The following KCTD8 variants were observed in gnomAD, a reference collection of about 807,000 sequenced individuals.
KCTD8 encodes potassium channel tetramerization domain containing 8, also known as BTB/POZ domain-containing protein KCTD8.
KCTD8 carries 27 observed loss-of-function variants against 31.5 expected under a neutral mutation model. That is an observed-to-expected ratio of 0.86 (90% confidence interval 0.63 to 1.18). The LOEUF is 1.18. Ranked by LOEUF, KCTD8 falls within the 50% of genes most tolerant of loss-of-function variation. The probability of loss-of-function intolerance (pLI) is 0.00; values close to 1 mark genes in which losing one functional copy is unlikely to be tolerated. For missense variants in KCTD8, 658 were observed against 647.7 expected, an observed-to-expected ratio of 1.02 and a Z score of -0.17; for synonymous variants, 290 against 280.0, an observed-to-expected ratio of 1.04 and a Z score of -0.36.
chr4:44,201,712 G>C (rs879869075), intron 1 of KCTD8, among the ~76,000 whole-genome samples: 5 of 152,002 alleles, frequency 3.3e-5, no homozygotes, highest in Non-Finnish European at 7.4e-5. Flanking sequence ...AGATAACCTA[G>C]GAAATACCCT....
chr4:44,382,732 A>AG (rs1375242606), intron 1 of KCTD8, among the ~76,000 whole-genome samples: 1 of 149,056 alleles, frequency 6.7e-6, no homozygotes, highest in East Asian at 2.0e-4. Context: ...CTCCATTTCA[A>AG]AAAAAAAAAA....
At chr4:44,366,032 T>C (rs1046437488) in intron 1 of KCTD8, among the ~76,000 whole-genome samples, 1 of 152,214 alleles carries the variant, frequency 6.6e-6, no homozygotes, top group Non-Finnish European at 1.5e-5. Context: ...CAATATGACA[T>C]GATTTATATA....
At chr4:44,287,561 C>T (rs1321839942) in intron 1 of KCTD8, among the ~76,000 whole-genome samples, 1 of 152,130 alleles carries the variant, frequency 6.6e-6, no homozygotes, top group Non-Finnish European at 1.5e-5. Context: ...TTAAACCTAT[C>T]TAATAATTGA....
chr4:44,288,033 G>A (rs1306052445), intron 1 of KCTD8, among the ~76,000 whole-genome samples: 1 of 152,148 alleles, frequency 6.6e-6, no homozygotes, highest in East Asian at 1.9e-4. Flanking sequence ...CTTGCTAACA[G>A]TCCTTTAGTT....
intron 1 of KCTD8, chr4:44,293,466 A>G (rs1717336891): frequency 4.4e-6 from 2 of 455,592 alleles, no homozygotes; most frequent in Admixed American, 4.7e-5. Flanking sequence ...GCAAGCAATC[A>G]TAAATAGCCA....
chr4:44,218,296 G>A (rs771362769), intron 1 of KCTD8, among the ~76,000 whole-genome samples: 1 of 151,306 alleles, frequency 6.6e-6, no homozygotes, highest in Admixed American at 6.6e-5. Flanking sequence ...ACCACACCCG[G>A]CTAATTTTTG....
intron 1 of KCTD8, among the ~76,000 whole-genome samples, chr4:44,304,741 G>A (rs985401584): frequency 4.6e-5 from 7 of 152,100 alleles, no homozygotes; most frequent in African/African-American, 1.7e-4. Flanking sequence ...AACACTCTTT[G>A]TTTTTACAAA....
chr4:44,250,541 A>G (rs1406901900), intron 1 of KCTD8, among the ~76,000 whole-genome samples: 7 of 151,808 alleles, frequency 4.6e-5, no homozygotes, highest in African/African-American at 1.4e-4. Context: ...AGGTAGTCAG[A>G]GATAGAACCA....
At chr4:44,383,025 C>CA (rs55777307) in intron 1 of KCTD8, among the ~76,000 whole-genome samples, 124,176 of 151,076 alleles carry the variant, frequency 0.82, 51,214 homozygotes, top group South Asian at 0.87. Context: ...AACTAGCTGA[C>CA]AAAAAAAACA....
At chr4:44,398,258 A>C (rs1006537196) in intron 1 of KCTD8, among the ~76,000 whole-genome samples, 5 of 152,348 alleles carry the variant, frequency 3.3e-5, no homozygotes, top group Middle Eastern at 6.8e-3. Flanking sequence ...CAACTGCTGC[A>C]GTCCACTAAA....
chr4:44,300,248 T>A (rs1717569954), intron 1 of KCTD8, among the ~76,000 whole-genome samples: 1 of 152,188 alleles, frequency 6.6e-6, no homozygotes, highest in South Asian at 2.1e-4. Flanking sequence ...GCACAGCTTC[T>A]ATTTCAGTTC....
chr4:44,317,031 A>G (rs1476033950), intron 1 of KCTD8, among the ~76,000 whole-genome samples: 1 of 150,712 alleles, frequency 6.6e-6, no homozygotes, highest in Non-Finnish European at 1.5e-5. Flanking sequence ...ACAGGAAACC[A>G]GACTCCTAAA....
At chr4:44,336,149 C>CAAAAAAAAA (rs58161667) in intron 1 of KCTD8, among the ~76,000 whole-genome samples, 5 of 46,524 alleles carry the variant, frequency 1.1e-4, no homozygotes, top group African/African-American at 1.6e-4. Flanking sequence ...GACTCCGTCT[C>CAAAAAAAAA]AAAAAAAAAA....
At chr4:44,371,495 C>T (rs958157383) in intron 1 of KCTD8, among the ~76,000 whole-genome samples, 6 of 151,890 alleles carry the variant, frequency 4.0e-5, no homozygotes, top group South Asian at 2.1e-4. Context: ...AAGTGGTAGA[C>T]GGATGAATGG....
intron 1 of KCTD8, 75 bp downstream of exon 1, chr4:44,447,488 T>G: frequency 1.4e-6 from 2 of 1,443,546 alleles, no homozygotes; most frequent in Non-Finnish European, 1.8e-6. Flanking sequence ...CCGCGGGGCC[T>G]CCAGCGGGGC....
At chr4:44,398,635 G>A (rs1720569798) in intron 1 of KCTD8, among the ~76,000 whole-genome samples, 1 of 152,136 alleles carries the variant, frequency 6.6e-6, no homozygotes. Flanking sequence ...TAAAGATCCG[G>A]AACGAACTCT....
At chr4:44,181,711 G>T (rs1713413287) in intron 1 of KCTD8, among the ~76,000 whole-genome samples, 1 of 150,456 alleles carries the variant, frequency 6.6e-6, no homozygotes, top group African/African-American at 2.5e-5. Context: ...GCCGCCCATT[G>T]TCTGGGATGC....
chr4:44,282,795 C>T (rs1716936648), intron 1 of KCTD8, among the ~76,000 whole-genome samples: 1 of 151,950 alleles, frequency 6.6e-6, no homozygotes. Flanking sequence ...GTCTAATCCA[C>T]AGAAAGGCCC....
chr4:44,326,419 T>A (rs1718445043), intron 1 of KCTD8, among the ~76,000 whole-genome samples: 1 of 151,792 alleles, frequency 6.6e-6, no homozygotes, highest in South Asian at 2.1e-4. Flanking sequence ...ATAAGTTGAT[T>A]TAATGAAAGG....
Sources: gnomAD v4.1 joint callset for allele counts (sites outside exome capture counted in the v4.1 genomes callset) on GRCh38, gnomAD v4.1.1 for gene constraint, MANE v1.5 for transcripts, NCBI Gene and HGNC (gene_info 2026-07-23, HGNC 2026-07-21) for gene names.